The following GPI variants were observed in gnomAD, a reference collection of about 807,000 sequenced individuals.
The protein encoded by GPI is D-hexose-6-phosphate anomerase.
A neutral mutation model predicts 75.8 loss-of-function variants in GPI; 56 were observed. The ratio of observed to expected loss-of-function variants is 0.74; its 90% confidence interval spans 0.60 to 0.92. The LOEUF (loss-of-function observed/expected upper bound fraction) is 0.92, where lower values mean the gene tolerates loss of function less well. Among genes scored for constraint, GPI ranks in the 40% least tolerant of loss-of-function variants. The pLI, the probability that GPI is intolerant of heterozygous loss-of-function variation, is 0.00. For synonymous variants in GPI, 288 were observed against 285.4 expected, an observed-to-expected ratio of 1.01 and a Z score of -0.09; for missense variants, 638 against 741.0, an observed-to-expected ratio of 0.86 and a Z score of 1.61.
chr19:34,397,505 T>C (rs1216652782), intron 14 of GPI: 1 of 152,232 alleles, frequency 6.6e-6, no homozygotes, highest in Non-Finnish European at 1.5e-5. Context: ...TAAGTGACAG[T>C]GTCATGCTGT....
chr19:34,396,750 G>A, intron 14 of GPI, 93 bp downstream of exon 14: 2 of 909,334 alleles, frequency 2.2e-6, no homozygotes, highest in East Asian at 2.6e-5. Context: ...AATCACGTTA[G>A]TTTTCTATTC....
At chr19:34,376,813 C>T (rs1361194794) in intron 4 of GPI, among the ~76,000 whole-genome samples, 1 of 151,494 alleles carries the variant, frequency 6.6e-6, no homozygotes, top group African/African-American at 2.4e-5. Flanking sequence ...TTTGGGAGGC[C>T]GAGCTGGGCA....
chr19:34,387,292 T>G (rs2074750548), intron 9 of GPI, among the ~76,000 whole-genome samples: 1 of 152,108 alleles, frequency 6.6e-6, no homozygotes, highest in Non-Finnish European at 1.5e-5. Flanking sequence ...CTGGTATGTT[T>G]ATCTGGTGTT....
At chr19:34,390,524 G>T (rs2074806127) in intron 9 of GPI, among the ~76,000 whole-genome samples, 1 of 152,134 alleles carries the variant, frequency 6.6e-6, no homozygotes, top group South Asian at 2.1e-4. Flanking sequence ...TGACATCTGG[G>T]TCTTCCAGTG....
chr19:34,377,665 ATGGGACC>A, intron 5 of GPI, 63 bp from the exon 6 acceptor site: 1 of 1,586,320 alleles, frequency 6.3e-7, no homozygotes, highest in South Asian at 1.1e-5. Context: ...TTCTCCAGGG[ATGGGACC>A]TGGCTGTCTC....
upstream of GPI, chr19:34,365,131 G>C: frequency 7.9e-7 from 1 of 1,257,888 alleles, no homozygotes; most frequent in Non-Finnish European, 1.0e-6. Context: ...GGGCTCAGGG[G>C]TGGGGCCGGG....
intron 4 of GPI, among the ~76,000 whole-genome samples, chr19:34,376,972 G>C (rs2074547022): frequency 6.6e-6 from 1 of 151,408 alleles, no homozygotes; most frequent in South Asian, 2.1e-4. Flanking sequence ...AGAATTGTTA[G>C]AACCCAGAAA....
At chr19:34,361,123 G>A (rs555283113), upstream of GPI, among the ~76,000 whole-genome samples, 4 of 150,026 alleles carry the variant, frequency 2.7e-5, no homozygotes, top group East Asian at 6.0e-4. Context: ...ACAGAGTCTC[G>A]CTCTGTCGCC....
At position 34,396,563 on chromosome 19, in the gene GPI, C is replaced by T. The variant is rs1172334148; in HGVS notation, c.1193-18C>T. The T allele has an allele frequency of 6.2e-7, 1 of 1,613,668 alleles. No homozygotes were observed. Among genetic ancestry groups the T allele is most frequent in the Admixed American group, 1.7e-5 (1 of 60,026 alleles). On this transcript the variant is annotated intron_variant, in intron 13 of 17. Coordinates refer to ENST00000356487, the MANE Select transcript of GPI (RefSeq NM_000175.5). Reference sequence around the variant, plus strand: ...CCATGGGCTGGGGTCATGTGGGTGACCACAGTGCCCTTCACAGGCACCAAG... The same window carrying T: ...CCATGGGCTGGGGTCATGTGGGTGATCACAGTGCCCTTCACAGGCACCAAG...
chr19:34,399,722 T>A lies in GPI; in HGVS notation c.1478T>A (p.Met493Lys). Reference sequence around the variant, plus strand: ...GCCCTGTCTGTCACTTCTGCAGCCATGTATGAGCACAAGATCTTCGTTCAG... The same window carrying A: ...GCCCTGTCTGTCACTTCTGCAGCCAAGTATGAGCACAAGATCTTCGTTCAG... The part of the protein sequence containing the change: ...TPFMLGALVA[M>K]YEHKIFVQGI... Residue 493 changes from methionine to lysine, a missense_variant, in exon 17 of 18, where the codon ATG becomes AAG. Met to Lys is a moderately conservative substitution (Grantham distance 95, BLOSUM62 -1). Coordinates refer to ENST00000356487, the MANE Select transcript of GPI (RefSeq NM_000175.5). 1 of 1,614,086 alleles carries A rather than the reference T, an allele frequency of 6.2e-7. No homozygotes were observed. Among genetic ancestry groups the A allele is most frequent in the Non-Finnish European group, 8.5e-7 (1 of 1,180,020 alleles).
chr19:34,387,886 GGTCAGACACA>G (rs898251279), intron 9 of GPI, among the ~76,000 whole-genome samples: 1 of 152,172 alleles, frequency 6.6e-6, no homozygotes, highest in African/African-American at 2.4e-5. Context: ...GGGGAAGGTG[GGTCAGACACA>G]GGTGAGACCT....
chr19:34,390,610 G>C (rs776117854), intron 9 of GPI, among the ~76,000 whole-genome samples: 30 of 151,822 alleles, frequency 2.0e-4, no homozygotes, highest in Non-Finnish European at 4.0e-4. Context: ...GCAGGTTACA[G>C]GTATGAGGCC....
rs924494439 is a variant in GPI, at chr19:34,393,849, C to G, written c.910-65C>G. 5 of 1,604,470 alleles carry G rather than the reference C, an allele frequency of 3.1e-6. No individual in the cohort carries two copies. Among genetic ancestry groups the G allele is most frequent in the African/African-American group, 2.7e-5 (2 of 74,846 alleles). On this transcript the variant is annotated intron_variant, in intron 11 of 17. Coordinates refer to ENST00000356487, the MANE Select transcript of GPI (RefSeq NM_000175.5). This position sits in a 1 kb window ranked among gnomAD's most constrained non-coding sequence, Gnocchi z 4.4. ...GGTCCTGGTCCCCCGCTTTCTCCCC[C>G]ACTGTCCTGTCCCTCCCCTCCCCGT...
rs986872927 is a variant in GPI at position 34,402,219 on chromosome 19, C to G, written c.*2183C>G. 3.3e-5 allele frequency: 5 copies of G among 152,014 alleles called. No individual in the cohort carries two copies. The highest frequency in any genetic ancestry group is 1.2e-4 in the African/African-American group (5 of 41,382). The allele number at this position is 152,014 out of a possible 1,614,324, so 9.4% of individuals were successfully genotyped here. A position where few individuals can be genotyped will look rare whatever the true frequency, so the allele number is the denominator to read the frequency against. On this transcript the variant is annotated 3_prime_UTR_variant, in exon 18 of 18. Coordinates refer to ENST00000356487, the MANE Select transcript of GPI (RefSeq NM_000175.5). ...TCCCACTGAGGCCAGAGAATAGGGT[C>G]TGGAGACAAAGGAGCATTCACTTCA...
intron 4 of GPI, among the ~76,000 whole-genome samples, chr19:34,371,346 G>A (rs890933828): frequency 1.3e-5 from 2 of 152,200 alleles, no homozygotes; most frequent in Admixed American, 6.5e-5. Flanking sequence ...AAACCAAGCT[G>A]TACTCATTTG....
chr19:34,396,000 A>T (rs2074938950), intron 12 of GPI, among the ~76,000 whole-genome samples: 1 of 139,924 alleles, frequency 7.1e-6, no homozygotes, highest in East Asian at 2.1e-4. Context: ...GTGCAGTGGC[A>T]TGATCTCGGC....
chr19:34,396,909 C>T (rs2074954600), intron 14 of GPI, among the ~76,000 whole-genome samples: 1 of 152,214 alleles, frequency 6.6e-6, no homozygotes, highest in Non-Finnish European at 1.5e-5. Flanking sequence ...CTCCCGGCCT[C>T]AAGTGATTCT....
intron 17 of GPI, 26 bp downstream of exon 17, chr19:34,399,811 C>CG (rs1568352084): frequency 1.2e-6 from 2 of 1,613,168 alleles, no homozygotes; most frequent in South Asian, 1.1e-5. Context: ...AGGGGAGGGC[C>CG]GGGAATACCT....
intron 4 of GPI, among the ~76,000 whole-genome samples, chr19:34,370,690 A>G (rs1289799279): frequency 1.3e-5 from 2 of 151,050 alleles, no homozygotes. Flanking sequence ...ACGCTACTGC[A>G]CTCCAGCCTG....
Sources: gnomAD v4.1 joint callset for allele counts (sites outside exome capture counted in the v4.1 genomes callset) on GRCh38, gnomAD v4.1.1 for gene constraint, Gnocchi (gnomAD v3.1) non-coding constraint, MANE v1.5 for transcripts, NCBI Gene and HGNC (gene_info 2026-07-23, HGNC 2026-07-21) for gene names.